ATP11B: variants seen among roughly 807,000 people sequenced by gnomAD.
The protein encoded by ATP11B is phospholipid-transporting ATPase IF.
Under a neutral mutation model 157.8 loss-of-function variants are expected in ATP11B, and 81 were observed. The ratio of observed to expected loss-of-function variants is 0.51; its 90% confidence interval spans 0.43 to 0.62. ATP11B has a LOEUF of 0.62. ATP11B is among the 20% of genes least tolerant of loss of function. The probability of loss-of-function intolerance (pLI) is 0.00; values close to 1 mark genes in which losing one functional copy is unlikely to be tolerated. For synonymous variants in ATP11B, 451 were observed against 469.4 expected, an observed-to-expected ratio of 0.96 and a Z score of 0.51; for missense variants, 1,165 against 1,402.2, an observed-to-expected ratio of 0.83 and a Z score of 2.70.
Position 182,793,731 on chromosome 3 carries a change from C to T in ATP11B, c.-29C>T. On this transcript the variant is annotated 5_prime_UTR_variant, in exon 1 of 30. Transcript: ENST00000323116. Reference sequence around the variant, plus strand: ...CTGCAGCCCCGCGGCCCCCGCGCCCCGCGGGACCCGGACGGCGACGACGGG... The same window carrying T: ...CTGCAGCCCCGCGGCCCCCGCGCCCTGCGGGACCCGGACGGCGACGACGGG... 1 of 1,403,952 alleles carries T rather than the reference C, an allele frequency of 7.1e-7. No homozygotes were observed. Among genetic ancestry groups the T allele is most frequent in the Non-Finnish European group, 9.3e-7 (1 of 1,072,906 alleles). 87.0% of individuals were successfully genotyped at this position (1,403,952 alleles called of 1,614,324 possible). A position where few individuals can be genotyped will look rare whatever the true frequency, so the allele number is the denominator to read the frequency against.
At chr3:182,913,784 G>A (rs992440629) in intron 28 of ATP11B, 77 bp from the exon 29 acceptor site, 2 of 1,605,226 alleles carry the variant, frequency 1.2e-6, no homozygotes, top group Non-Finnish European at 1.7e-6. Context: ...ATTTGAAAGT[G>A]CTTGTTGTAA....
At chr3:182,894,814 G>A (rs187619911) in intron 25 of ATP11B, among the ~76,000 whole-genome samples, 118 of 151,884 alleles carry the variant, frequency 7.8e-4, no homozygotes, top group African/African-American at 2.2e-3. Context: ...CCAGGTCCCC[G>A]GTTGCATCAA....
chr3:182,904,804 G>A (rs978478073), intron 28 of ATP11B, among the ~76,000 whole-genome samples: 7 of 149,530 alleles, frequency 4.7e-5, no homozygotes, highest in South Asian at 2.1e-4. Context: ...CAAGAGAATC[G>A]CTTGAAGCCA....
intron 19 of ATP11B, among the ~76,000 whole-genome samples, chr3:182,877,956 T>C (rs1321900691): frequency 6.6e-6 from 1 of 152,206 alleles, no homozygotes; most frequent in Non-Finnish European, 1.5e-5. Flanking sequence ...ACTGATCTGC[T>C]CTGTCCCACT....
At chr3:182,816,836 C>T (rs1320046339) in intron 1 of ATP11B, among the ~76,000 whole-genome samples, 2 of 152,188 alleles carry the variant, frequency 1.3e-5, no homozygotes, top group African/African-American at 4.8e-5. Flanking sequence ...GGATCCTGCT[C>T]TAAGTCACTT....
At chr3:182,846,746 C>T (rs1419247270) in intron 9 of ATP11B, among the ~76,000 whole-genome samples, 1 of 152,138 alleles carries the variant, frequency 6.6e-6, no homozygotes, top group Non-Finnish European at 1.5e-5. Context: ...TGTATGATTC[C>T]ATTTATTTGA....
chr3:182,877,722 TTA>T (rs1276873256), intron 19 of ATP11B, among the ~76,000 whole-genome samples: 4 of 152,026 alleles, frequency 2.6e-5, no homozygotes, highest in Non-Finnish European at 4.4e-5. Context: ...AAGGAAATAA[TTA>T]TAAAGTATGG....
chr3:182,893,387 A>G (rs979129052), intron 25 of ATP11B, among the ~76,000 whole-genome samples: 3 of 152,026 alleles, frequency 2.0e-5, no homozygotes, highest in African/African-American at 7.2e-5. Flanking sequence ...TCTCATTCAT[A>G]TGCCTTTGCG....
intron 1 of ATP11B, among the ~76,000 whole-genome samples, chr3:182,816,757 T>C (rs1391376944): frequency 1.3e-5 from 2 of 152,226 alleles, no homozygotes; most frequent in African/African-American, 4.8e-5. Flanking sequence ...TATACGCTTA[T>C]CAGAAAAATG....
intron 19 of ATP11B, among the ~76,000 whole-genome samples, chr3:182,875,535 G>A (rs1033841785): frequency 2.0e-4 from 31 of 152,160 alleles, no homozygotes; most frequent in Admixed American, 2.0e-3. Flanking sequence ...TCCGCCTTCC[G>A]GGTTCAAGTG....
chr3:182,911,001 C>G (rs1481205334), intron 28 of ATP11B, among the ~76,000 whole-genome samples: 3 of 152,090 alleles, frequency 2.0e-5, no homozygotes, highest in African/African-American at 7.2e-5. Flanking sequence ...CATACTTTGT[C>G]CAACTGCTGT....
At chr3:182,907,085 T>G (rs1385276466) in intron 28 of ATP11B, among the ~76,000 whole-genome samples, 4 of 136,924 alleles carry the variant, frequency 2.9e-5, no homozygotes, top group Non-Finnish European at 6.1e-5. Context: ...AGAGTGAGAC[T>G]CCGTCTCAAA....
intron 14 of ATP11B, 39 bp from the exon 15 acceptor site, chr3:182,867,337 A>G (rs1440331059): frequency 1.6e-6 from 2 of 1,239,524 alleles, no homozygotes; most frequent in Non-Finnish European, 2.4e-6. Context: ...ATGCAGTATT[A>G]TTTCTTAAGT....
At chr3:182,880,211 G>A (rs499201) in intron 20 of ATP11B, among the ~76,000 whole-genome samples, 106,681 of 152,078 alleles carry the variant, frequency 0.7, 37,839 homozygotes, top group Non-Finnish European at 0.76. Flanking sequence ...ATCTTAGACT[G>A]TTTTTCACAA....
intron 7 of ATP11B, among the ~76,000 whole-genome samples, chr3:182,841,385 G>T (rs568712239): frequency 1.1e-4 from 16 of 152,280 alleles, no homozygotes; most frequent in African/African-American, 3.6e-4. Flanking sequence ...ACCTAGAACA[G>T]TATCTGTCAT....
At chr3:182,881,122 C>A in intron 21 of ATP11B, 141 bp downstream of exon 21, 1 of 548,296 alleles carries the variant, frequency 1.8e-6, no homozygotes, top group Non-Finnish European at 3.1e-6. Context: ...TAATATAGCA[C>A]AGTGTGCCCC....
At chr3:182,846,041 G>A (rs1719495134) in intron 9 of ATP11B, among the ~76,000 whole-genome samples, 1 of 152,170 alleles carries the variant, frequency 6.6e-6, no homozygotes, top group Admixed American at 6.5e-5. Context: ...AATAAGTACT[G>A]CTCTTGTCTT....
Position 182,822,389 on chromosome 3 carries a change from T to C in ATP11B, c.144+2013T>C, listed in dbSNP as rs192801463. ...GGTGTTTGGTTTTCTGTCCTTGCAA[T>C]AGTTTGCTCAGAATGATGGTTTCCA... is the stretch of plus-strand genomic sequence containing the variant. On this transcript the variant is annotated intron_variant, in intron 2 of 29. Coordinates refer to ENST00000323116, the MANE Select transcript of ATP11B (RefSeq NM_014616.3). 8.5e-4 allele frequency among the ~76,000 whole-genome samples: 129 copies of C among 152,260 alleles called. 1 individual carries two copies. Among genetic ancestry groups the C allele is most frequent in the African/African-American group, 3.0e-3 (123 of 41,546 alleles).
intron 19 of ATP11B, 90 bp from the exon 20 acceptor site, chr3:182,879,406 A>G: frequency 8.7e-7 from 1 of 1,144,846 alleles, no homozygotes; most frequent in African/African-American, 1.6e-5. Flanking sequence ...TAAAAGATCC[A>G]TCTTTCAGTA....
Sources: allele counts gnomAD v4.1 joint callset (sites outside exome capture counted in the v4.1 genomes callset), GRCh38; gene constraint gnomAD v4.1.1; transcripts MANE v1.5; gene names NCBI Gene and HGNC (gene_info 2026-07-23, HGNC 2026-07-21).